The following CPSF2 variants were observed in gnomAD, a reference collection of about 807,000 sequenced individuals.
CPSF2 encodes the protein cleavage and polyadenylation specificity factor subunit 2.
In CPSF2, 51 loss-of-function variants were observed where a neutral mutation model predicts 84.2. The ratio of observed to expected loss-of-function variants is 0.61; its 90% confidence interval spans 0.48 to 0.77. The LOEUF (loss-of-function observed/expected upper bound fraction) is 0.77. Ranked by LOEUF, CPSF2 falls within the 30% of genes least tolerant of loss-of-function variation. The pLI is 0.00. For synonymous variants in CPSF2, 286 were observed against 311.9 expected (o/e 0.92, Z 0.87); for missense variants, 641 against 929.4 (o/e 0.69, Z 4.03).
intron 3 of CPSF2, among the ~76,000 whole-genome samples, chr14:92,133,352 G>C (rs1397631991): frequency 2.6e-5 from 4 of 152,208 alleles, no homozygotes; most frequent in South Asian, 2.1e-4. Context: ...CTGGGAGGCA[G>C]AGGTTGTGGT....
Position 92,135,362 on chromosome 14 carries a change from C to T in CPSF2, c.416-5C>T. ...AATCTGAGTATTGTTATCTTGTTGA[C>T]ATAGGTAAAGGACATGGCCTGTCTA... On this transcript the variant is annotated splice_polypyrimidine_tract_variant and splice_region_variant and intron_variant, in intron 5 of 15. Coordinates refer to ENST00000298875, the MANE Select transcript of CPSF2 (RefSeq NM_017437.3). The T allele has an allele frequency of 6.3e-7, 1 of 1,594,524 alleles. No homozygotes were observed. Among genetic ancestry groups the T allele is most frequent in the Non-Finnish European group, 8.5e-7 (1 of 1,172,940 alleles).
intron 2 of CPSF2, among the ~76,000 whole-genome samples, chr14:92,128,761 G>A (rs891314374): frequency 6.6e-6 from 1 of 152,210 alleles, no homozygotes; most frequent in Non-Finnish European, 1.5e-5. Context: ...GGGAATACTA[G>A]AGTAAGTAAG....
chr14:92,149,080 C>A (rs1471847228), intron 9 of CPSF2, among the ~76,000 whole-genome samples: 2 of 152,096 alleles, frequency 1.3e-5, no homozygotes, highest in African/African-American at 4.8e-5. Flanking sequence ...CCCTGAGACC[C>A]TTTCAGGGAG....
chr14:92,134,441 A>G (rs2295727), intron 5 of CPSF2, 86 bp downstream of exon 5: 72,338 of 842,638 alleles, frequency 0.086, 3,389 homozygotes, highest in East Asian at 0.15. Flanking sequence ...AGAGAAAATT[A>G]TAGGCATTAT....
chr14:92,140,545 G>C (rs2069063724), intron 7 of CPSF2, among the ~76,000 whole-genome samples: 1 of 149,590 alleles, frequency 6.7e-6, no homozygotes, highest in African/African-American at 2.5e-5. Context: ...TGGTTCTCCT[G>C]CCTCAGCCTC....
At chr14:92,140,495 C>T (rs1461657349) in intron 7 of CPSF2, among the ~76,000 whole-genome samples, 4 of 147,268 alleles carry the variant, frequency 2.7e-5, no homozygotes, top group East Asian at 2.1e-4. Context: ...TGCAGTGGCG[C>T]GATCTCGGCT....
In CPSF2 at chr14:92,159,061, G is replaced by A. The variant is rs2069330440; in HGVS notation, c.1900G>A (p.Val634Ile). 3 of 1,614,062 alleles carry A rather than the reference G, an allele frequency of 1.9e-6. No homozygotes were observed. In the East Asian group the frequency reaches 6.7e-5, roughly 36 times the overall value. ...KDAELAWIDG[V>I]LDMRVSKVDT... ...TGCTGAATTAGCTTGGATAGATGGT[G>A]TCTTAGATATGAGAGTTTCCAAAGT... Residue 634 changes from valine (V) to isoleucine (I), a missense_variant, in exon 14 of 16, where the codon GTC (valine) becomes ATC (isoleucine). Physicochemically the swap from Val to Ile is conservative, Grantham distance 29. Coordinates refer to ENST00000298875, the MANE Select transcript of CPSF2 (RefSeq NM_017437.3).
At position 92,156,381 on chromosome 14, in the gene CPSF2, T is replaced by C. The variant is rs1055728920; in HGVS notation, c.1443-98T>C. On this transcript the variant is annotated intron_variant, in intron 11 of 15. Coordinates refer to ENST00000298875, the MANE Select transcript of CPSF2 (RefSeq NM_017437.3). ...TGAAATGTATATTTAAATCTTGAGA[T>C]ATGTGAGGACTCCAAAAATTATGCC... 3 of 823,548 alleles carry C rather than the reference T, an allele frequency of 3.6e-6. No individual in the cohort carries two copies. In the African/African-American group the frequency reaches 5.2e-5, roughly 14 times the overall value. The allele number at this position is 823,548 out of a possible 1,614,324, so 51.0% of individuals were successfully genotyped here.
chr14:92,142,414 C>T lies in CPSF2; in HGVS notation c.849+63C>T, dbSNP rs1037049931. ...CAGTGATTGGGTCTGTGGAAGTGGG[C>T]GTCTTAAATGTTTTTTGGATTTTAT... On this transcript the variant is annotated intron_variant, in intron 8 of 15. Transcript: ENST00000298875. The T allele has an allele frequency of 1.1e-5, 14 of 1,265,740 alleles. No homozygotes were observed. In the East Asian group the frequency reaches 1.7e-4, roughly 15 times the overall value. The allele number at this position is 1,265,740 out of a possible 1,614,324, so 78.4% of individuals were successfully genotyped here. A position where few individuals can be genotyped will look rare whatever the true frequency, so the allele number is the denominator to read the frequency against.
At chr14:92,152,337 C>T (rs566030025) in intron 9 of CPSF2, among the ~76,000 whole-genome samples, 19 of 152,076 alleles carry the variant, frequency 1.2e-4, no homozygotes, top group Admixed American at 3.3e-4. Context: ...CCATATTGAT[C>T]AGGCTTGTCT....
Position 92,155,103 on chromosome 14 carries a change from C to T in CPSF2, c.1242-20C>T. ...ATCTTTGAAACTTTATGACCTTGAT[C>T]TATTCTAAAATCCTCCTAGGGCAGA... On this transcript the variant is annotated intron_variant, in intron 10 of 15. Coordinates refer to ENST00000298875, the MANE Select transcript of CPSF2 (RefSeq NM_017437.3). 6.5e-7 allele frequency: 1 copy of T among 1,528,442 alleles called. No individual in the cohort carries two copies. The highest frequency in any genetic ancestry group is 9.1e-7 in the Non-Finnish European group (1 of 1,103,648). The allele number at this position is 1,528,442 out of a possible 1,614,324, so 94.7% of individuals were successfully genotyped here. A position where few individuals can be genotyped will look rare whatever the true frequency, so the allele number is the denominator to read the frequency against.
At chr14:92,159,354 T>C in intron 14 of CPSF2, 72 bp downstream of exon 14, 1 of 1,297,262 alleles carries the variant, frequency 7.7e-7, no homozygotes, top group African/African-American at 1.5e-5. Context: ...TCTTTTGGTT[T>C]TTTTCCCCCC....
At chr14:92,145,585 G>A (rs1485536358) in intron 9 of CPSF2, among the ~76,000 whole-genome samples, 1 of 152,170 alleles carries the variant, frequency 6.6e-6, no homozygotes, top group South Asian at 2.1e-4. Flanking sequence ...AAGTAAAATG[G>A]TGTCTTTGGG....
intron 1 of CPSF2, among the ~76,000 whole-genome samples, chr14:92,124,678 T>C (rs1463294031): frequency 2.0e-5 from 3 of 152,218 alleles, no homozygotes; most frequent in Admixed American, 6.5e-5. Context: ...ATGTAGCTAT[T>C]GAGCACTTCA....
Position 92,164,905 on chromosome 14 carries a change from CA to C in CPSF2, c.*3162del, listed in dbSNP as rs2069423574. On this transcript the variant is annotated 3_prime_UTR_variant, in exon 16 of 16. Transcript: ENST00000298875. ...ACACTTTCATCACTCCAAAAAGAAA[CA>C]CCATACCCACTACCAGTCACTCCTC... 2.0e-5 allele frequency: 3 copies of C among 152,178 alleles called. No individual in the cohort carries two copies. The highest frequency in any genetic ancestry group is 2.0e-4 in the Admixed American group (3 of 15,270). 9.4% of individuals were successfully genotyped at this position (152,178 alleles called of 1,614,324 possible).
At chr14:92,149,064 G>A (rs1339689424) in intron 9 of CPSF2, among the ~76,000 whole-genome samples, 1 of 152,122 alleles carries the variant, frequency 6.6e-6, no homozygotes, top group Non-Finnish European at 1.5e-5. Context: ...GAGGACGCCT[G>A]GGAGTCCCTG....
chr14:92,135,303 GAAAT>G (rs965559833), intron 5 of CPSF2, 60 bp from the exon 6 acceptor site: 30 of 1,417,312 alleles, frequency 2.1e-5, no homozygotes, highest in African/African-American at 5.8e-5. Flanking sequence ...TTATAGTTGA[GAAAT>G]AAATAACCTT....
intron 1 of CPSF2, among the ~76,000 whole-genome samples, chr14:92,125,527 A>G (rs1399094273): frequency 6.6e-6 from 1 of 152,006 alleles, no homozygotes; most frequent in Non-Finnish European, 1.5e-5. Context: ...CACACCAGCT[A>G]ATATCCCCAA....
chr14:92,142,076 C>A, intron 7 of CPSF2, 88 bp from the exon 8 acceptor site: 4 of 1,052,412 alleles, frequency 3.8e-6, no homozygotes, highest in Admixed American at 5.2e-5. Flanking sequence ...TATAGTCTTT[C>A]TAATAAAAAC....
Sources: allele counts gnomAD v4.1 joint callset (sites outside exome capture counted in the v4.1 genomes callset), GRCh38; gene constraint gnomAD v4.1.1; transcripts MANE v1.5; gene names NCBI Gene and HGNC (gene_info 2026-07-23, HGNC 2026-07-21).